Variants in CFAP299 observed in about 807,000 individuals in gnomAD.
The protein encoded by CFAP299 is cilia- and flagella-associated protein 299.
In CFAP299, 21 loss-of-function variants were observed where a neutral mutation model predicts 27.0. The ratio of observed to expected loss-of-function variants is 0.78; its 90% CI spans 0.55 to 1.12. The LOEUF (loss-of-function observed/expected upper bound fraction) is 1.12. CFAP299 is among the 50% of genes most tolerant of loss of function. The probability of loss-of-function intolerance (pLI) is 0.00; values close to 1 mark genes in which losing one functional copy is unlikely to be tolerated. For missense variants in CFAP299, 310 were observed against 276.6 expected, an observed-to-expected ratio of 1.12 and a Z score of -0.86; for synonymous variants, 104 against 98.1, an observed-to-expected ratio of 1.06 and a Z score of -0.36.
At chr4:80,464,729 T>C (rs1322080897) in intron 2 of CFAP299, among the ~76,000 whole-genome samples, 1 of 152,144 alleles carries the variant, frequency 6.6e-6, no homozygotes, top group Non-Finnish European at 1.5e-5. Context: ...ACATACAACC[T>C]GTAAACTCCA....
intron 2 of CFAP299, among the ~76,000 whole-genome samples, chr4:80,550,578 C>G (rs1221832052): frequency 6.6e-6 from 1 of 152,008 alleles, no homozygotes; most frequent in East Asian, 1.9e-4. Flanking sequence ...TTCTTATTTA[C>G]TGTTAAGAAT....
chr4:80,637,494 A>G (rs1164035648), intron 3 of CFAP299, among the ~76,000 whole-genome samples: 1 of 152,146 alleles, frequency 6.6e-6, no homozygotes, highest in Non-Finnish European at 1.5e-5. Context: ...CTTTTTCTGT[A>G]CAGGTAATAA....
intron 2 of CFAP299, among the ~76,000 whole-genome samples, chr4:80,488,772 G>A (rs551067937): frequency 6.6e-5 from 10 of 152,226 alleles, no homozygotes; most frequent in Admixed American, 1.3e-4. Context: ...CACCGCACCC[G>A]GCCGGTAACC....
At chr4:80,781,210 C>T (rs1726857267) in intron 3 of CFAP299, among the ~76,000 whole-genome samples, 1 of 151,822 alleles carries the variant, frequency 6.6e-6, no homozygotes, top group Non-Finnish European at 1.5e-5. Flanking sequence ...AAAGTAACTT[C>T]GTGGAAAATT....
chr4:80,391,002 T>C (rs1366709506), intron 2 of CFAP299, among the ~76,000 whole-genome samples: 3 of 145,568 alleles, frequency 2.1e-5, no homozygotes, highest in Non-Finnish European at 4.5e-5. Flanking sequence ...TGTATATATG[T>C]ATGTACACAC....
intron 3 of CFAP299, among the ~76,000 whole-genome samples, chr4:80,634,731 T>G (rs1739400174): frequency 6.6e-6 from 1 of 152,142 alleles, no homozygotes; most frequent in African/African-American, 2.4e-5. Flanking sequence ...TACAACCACA[T>G]TGTATCTCCT....
intron 3 of CFAP299, among the ~76,000 whole-genome samples, chr4:80,688,067 C>A (rs530260203): frequency 7.2e-5 from 11 of 152,310 alleles, no homozygotes; most frequent in East Asian, 5.8e-4. Context: ...TGATTGGTAG[C>A]ACAGCAGTCT....
chr4:80,354,327 A>G (rs924176222), intron 1 of CFAP299, among the ~76,000 whole-genome samples: 1 of 152,222 alleles, frequency 6.6e-6, no homozygotes, highest in South Asian at 2.1e-4. Context: ...GTTTTATTGT[A>G]TATATACTTA....
intron 2 of CFAP299, among the ~76,000 whole-genome samples, chr4:80,508,797 A>G (rs576780497): frequency 1.6e-4 from 24 of 152,240 alleles, no homozygotes; most frequent in Admixed American, 1.4e-3. Flanking sequence ...GGCTCAAGCA[A>G]TCCTCCTGAC....
intron 3 of CFAP299, among the ~76,000 whole-genome samples, chr4:80,721,913 A>G (rs1722840069): frequency 6.6e-6 from 1 of 152,180 alleles, no homozygotes; most frequent in African/African-American, 2.4e-5. Flanking sequence ...TACGAAATTA[A>G]AATACTTCAG....
chr4:80,865,886 A>C (rs1478897102), intron 3 of CFAP299, among the ~76,000 whole-genome samples: 1 of 99,334 alleles, frequency 1.0e-5, no homozygotes, highest in Non-Finnish European at 1.9e-5. Flanking sequence ...ACTTGGACAC[A>C]GGGTGGGGAA....
chr4:80,831,772 T>G (rs1346753391), intron 3 of CFAP299, among the ~76,000 whole-genome samples: 1 of 152,168 alleles, frequency 6.6e-6, no homozygotes, highest in East Asian at 1.9e-4. Context: ...TACTACCCAT[T>G]GGGGACATAC....
In CFAP299 at chr4:80,701,784, A is replaced by G. The variant is rs904288262; in HGVS notation, c.333+118601A>G. ...CCCTATTGATTCATACCAGGCTTAT[A>G]AAACGGAATGTGTGCTTCTACTTTT... is the stretch of plus-strand genomic sequence containing the variant. On this transcript the variant is annotated intron_variant, in intron 3 of 5. Transcript: ENST00000358105. 1.1e-4 allele frequency among the ~76,000 whole-genome samples: 16 copies of G among 152,148 alleles called. No individual in the cohort carries two copies. In the East Asian group the frequency reaches 2.9e-3, roughly 28 times the overall value.
At chr4:80,748,029 T>C (rs1175190819) in intron 3 of CFAP299, among the ~76,000 whole-genome samples, 2 of 152,090 alleles carry the variant, frequency 1.3e-5, no homozygotes, top group Admixed American at 6.6e-5. Flanking sequence ...AAATCAAACA[T>C]GTCCAAAAAT....
intron 3 of CFAP299, among the ~76,000 whole-genome samples, chr4:80,747,176 CATT>C (rs1453368693): frequency 6.6e-6 from 1 of 151,966 alleles, no homozygotes; most frequent in African/African-American, 2.4e-5. Flanking sequence ...ACTAAAATGT[CATT>C]ATGTGACACA....
intron 4 of CFAP299, among the ~76,000 whole-genome samples, chr4:80,905,179 G>C (rs1735120574): frequency 6.6e-6 from 1 of 152,182 alleles, no homozygotes; most frequent in Admixed American, 6.5e-5. Context: ...TTAATAAAAT[G>C]AATACTCTTC....
chr4:80,322,051 C>G, the CFAP299 span, among the ~76,000 whole-genome samples: 1 of 152,154 alleles, frequency 6.6e-6, no homozygotes, highest in Admixed American at 6.5e-5. Context: ...AGTCAGTACC[C>G]AGGACTAGCA....
chr4:80,710,538 G>A (rs1345331102), intron 3 of CFAP299, among the ~76,000 whole-genome samples: 1 of 135,982 alleles, frequency 7.4e-6, no homozygotes, highest in Non-Finnish European at 1.5e-5. Context: ...AAGCATTACA[G>A]ATTGATGGCC....
intron 2 of CFAP299, among the ~76,000 whole-genome samples, chr4:80,455,662 T>C (rs142913053): frequency 3.9e-5 from 6 of 152,340 alleles, no homozygotes; most frequent in Non-Finnish European, 5.9e-5. Flanking sequence ...GAGTGACCTA[T>C]TTCATTTTGT....
Sources: gnomAD v4.1 joint callset for allele counts (sites outside exome capture counted in the v4.1 genomes callset) on GRCh38, gnomAD v4.1.1 for gene constraint, MANE v1.5 for transcripts, NCBI Gene and HGNC (gene_info 2026-07-23, HGNC 2026-07-21) for gene names.